Variants in PCDHGA7 observed in about 807,000 individuals in gnomAD.
PCDHGA7 encodes the protein protocadherin gamma subfamily A, 7.
PCDHGA7 carries 44 observed loss-of-function variants against 58.3 expected under a neutral mutation model. That is an observed-to-expected ratio of 0.75 (90% CI 0.59 to 0.97). The LOEUF (loss-of-function observed/expected upper bound fraction) is 0.97. Among genes scored for constraint, PCDHGA7 ranks in the 50% least tolerant of loss-of-function variants. The pLI is 0.00. For synonymous variants in PCDHGA7, 516 were observed against 504.2 expected (o/e 1.02, Z -0.31); for missense variants, 1,266 against 1,188.7 (o/e 1.06, Z -0.96).
intron 1 of PCDHGA7, chr5:141,399,601 C>T: frequency 6.2e-7 from 1 of 1,613,986 alleles, no homozygotes; most frequent in South Asian, 1.1e-5. Context: ...GGCCAGCGAC[C>T]TAGAGCCTCT....
rs3763123 is a variant in PCDHGA7 at position 141,385,542 on chromosome 5, A to C, written c.2424+219A>C. On this transcript the variant is annotated intron_variant, in intron 1 of 3. Coordinates refer to ENST00000518325, the MANE Select transcript of PCDHGA7 (RefSeq NM_018920.4). Reference sequence around the variant, plus strand: ...TATGGACAAGATTATGAATATGTGGACTATCACATTTTATAATTTCCACCT... The same window carrying C: ...TATGGACAAGATTATGAATATGTGGCCTATCACATTTTATAATTTCCACCT... 2.0e-3 allele frequency: 2,591 copies of C among 1,327,546 alleles called. 44 individuals carry two copies. The African/African-American group carries it at 0.033, about 17-fold the overall frequency. The allele number at this position is 1,327,546 out of a possible 1,614,324, so 82.2% of individuals were successfully genotyped here. A position where few individuals can be genotyped will look rare whatever the true frequency, so the allele number is the denominator to read the frequency against.
chr5:141,383,286 C>T lies in PCDHGA7; in HGVS notation c.387C>T (p.Asn129=), dbSNP rs373163257. ...IDVEIIDIND[N]VPRFLTEEIN... The stretch of plus-strand genomic sequence containing the variant: ...TGGAAATAATAGATATTAATGACAA[C>T]GTTCCAAGATTCTTGACGGAAGAAA... Residue 129 remains asparagine, a synonymous_variant, in exon 1 of 4, where the codon AAC becomes AAT. Coordinates refer to ENST00000518325, the MANE Select transcript of PCDHGA7 (RefSeq NM_018920.4). 7 of 1,613,770 alleles carry T rather than the reference C, an allele frequency of 4.3e-6. No homozygotes were observed. The highest frequency in any genetic ancestry group is 1.3e-5 in the African/African-American group (1 of 74,930).
Position 141,384,012 on chromosome 5 carries a change from A to C in PCDHGA7, c.1113A>C (p.Leu371=). 1 of 1,613,830 alleles carries C rather than the reference A, an allele frequency of 6.2e-7. No individual in the cohort carries two copies. ...PLGTVIALFY[L]QDRDSGKNGE... is the part of the protein sequence containing the mutation. The stretch of plus-strand genomic sequence containing the variant: ...GGACAGTCATTGCTCTTTTCTACCT[A>C]CAAGACAGAGATTCTGGAAAGAATG... The change falls in exon 1 of 4, where the codon CTA becomes CTC. Residue 371 remains leucine, a synonymous_variant. Coordinates refer to ENST00000518325, the MANE Select transcript of PCDHGA7 (RefSeq NM_018920.4).
At chr5:141,437,188 G>T (rs1303844523) in intron 1 of PCDHGA7, among the ~76,000 whole-genome samples, 1 of 152,146 alleles carries the variant, frequency 6.6e-6, no homozygotes, top group Non-Finnish European at 1.5e-5. Context: ...CTGGGCAATG[G>T]GTTTGGATGT....
intron 1 of PCDHGA7, chr5:141,422,014 C>A: frequency 6.2e-7 from 1 of 1,610,158 alleles, no homozygotes; most frequent in Non-Finnish European, 8.5e-7. Flanking sequence ...AACTCGGGTG[C>A]TGATGGTTAA....
intron 1 of PCDHGA7, chr5:141,394,928 C>T (rs2093129787): frequency 7.4e-6 from 12 of 1,613,838 alleles, no homozygotes; most frequent in Non-Finnish European, 1.0e-5. Context: ...GTGTCTTCCT[C>T]GCCTTTGTCG....
rs764586891 is a variant in PCDHGA7, at chr5:141,477,616, A to G, written c.2425-17191A>G. On this transcript the variant is annotated intron_variant, in intron 1 of 3. Coordinates refer to ENST00000518325, the MANE Select transcript of PCDHGA7 (RefSeq NM_018920.4). This position sits in a 1 kb window ranked among gnomAD's most constrained non-coding sequence, Gnocchi z 4.9. ...TTTCTTTCTTTCTCTTGGAGCAAGGAGCTGAAACCGGGCTAGTGGGTCGCT... is the reference window on the plus strand; with the variant it reads ...TTTCTTTCTTTCTCTTGGAGCAAGGGGCTGAAACCGGGCTAGTGGGTCGCT... The G allele has an allele frequency of 1.2e-6, 2 of 1,614,068 alleles. No individual in the cohort carries two copies. Among genetic ancestry groups the G allele is most frequent in the African/African-American group, 2.7e-5 (2 of 74,924 alleles).
intron 2 of PCDHGA7, among the ~76,000 whole-genome samples, chr5:141,502,894 G>C (rs1342496006): frequency 6.8e-6 from 1 of 147,968 alleles, no homozygotes; most frequent in Non-Finnish European, 1.5e-5. Context: ...AGGGAGTCTA[G>C]CTCTGTTGCC....
chr5:141,480,429 T>C (rs72790066), intron 1 of PCDHGA7, among the ~76,000 whole-genome samples: 4 of 151,864 alleles, frequency 2.6e-5, no homozygotes, highest in African/African-American at 9.7e-5. Flanking sequence ...AAAAAAATTA[T>C]CAGCTATTAC....
intron 1 of PCDHGA7, chr5:141,393,601 C>T (rs1392489335): frequency 8.1e-6 from 13 of 1,613,812 alleles, no homozygotes; most frequent in Non-Finnish European, 1.1e-5. Flanking sequence ...CGGCTGCTTA[C>T]TGTAACAGCC....
intron 2 of PCDHGA7, among the ~76,000 whole-genome samples, chr5:141,496,775 GCAGGGCC>G (rs1025427712): frequency 6.6e-6 from 1 of 152,038 alleles, no homozygotes; most frequent in Non-Finnish European, 1.5e-5. Flanking sequence ...TCTACTATGA[GCAGGGCC>G]CTGTGCTAAA....
At chr5:141,438,538 A>G (rs950527053) in intron 1 of PCDHGA7, among the ~76,000 whole-genome samples, 2 of 145,166 alleles carry the variant, frequency 1.4e-5, no homozygotes, top group African/African-American at 2.6e-5. Context: ...CTTTTCCTCT[A>G]TATCTAAGCC....
chr5:141,452,364 A>G (rs1330623001), intron 1 of PCDHGA7, among the ~76,000 whole-genome samples: 1 of 152,188 alleles, frequency 6.6e-6, no homozygotes, highest in African/African-American at 2.4e-5. Flanking sequence ...GCCTTGCTTC[A>G]TTTTAGTAGG....
chr5:141,436,817 TA>T (rs1431750380), intron 1 of PCDHGA7, among the ~76,000 whole-genome samples: 1 of 152,244 alleles, frequency 6.6e-6, no homozygotes, highest in Non-Finnish European at 1.5e-5. Context: ...ACAGCTGGTT[TA>T]AAAATCTTAA....
Position 141,408,922 on chromosome 5 carries a change from G to A in PCDHGA7, c.2424+23599G>A, listed in dbSNP as rs762449366. ...TCAAGGATACCAATGATAACCCCCC[G>A]GTTTTCAGCAGAGACGAATATAGAA... On this transcript the variant is annotated intron_variant, in intron 1 of 3. Coordinates refer to ENST00000518325, the MANE Select transcript of PCDHGA7 (RefSeq NM_018920.4). 3.7e-6 allele frequency: 6 copies of A among 1,613,104 alleles called. No homozygotes were observed. In the Admixed American group the frequency reaches 8.3e-5, roughly 22 times the overall value.
Position 141,477,256 on chromosome 5 carries a change from T to G in PCDHGA7, c.2425-17551T>G. 2 of 1,614,210 alleles carry G rather than the reference T, an allele frequency of 1.2e-6. No homozygotes were observed. The highest frequency in any genetic ancestry group is 1.7e-6 in the Non-Finnish European group (2 of 1,180,038). On this transcript the variant is annotated intron_variant, in intron 1 of 3. Coordinates refer to ENST00000518325, the MANE Select transcript of PCDHGA7 (RefSeq NM_018920.4). This position sits in a 1 kb window ranked among gnomAD's most constrained non-coding sequence, Gnocchi z 4.9. Reference sequence around the variant, plus strand: ...CTTTGCTCAGTGTGACTGACCTGGATGCTGGCGAGAACGGGCTGGTGACCT... The same window carrying G: ...CTTTGCTCAGTGTGACTGACCTGGAGGCTGGCGAGAACGGGCTGGTGACCT...
chr5:141,388,662 A>T, intron 1 of PCDHGA7: 1 of 1,613,954 alleles, frequency 6.2e-7, no homozygotes, highest in Non-Finnish European at 8.5e-7. Flanking sequence ...CCCGGGGACC[A>T]CGGTGCTACA....
intron 2 of PCDHGA7, among the ~76,000 whole-genome samples, chr5:141,502,408 G>A (rs1197275813): frequency 6.6e-6 from 1 of 151,782 alleles, no homozygotes; most frequent in Non-Finnish European, 1.5e-5. Context: ...CCCGAACCTG[G>A]ATTTGCTGGC....
intron 1 of PCDHGA7, chr5:141,413,140 A>G: frequency 1.3e-6 from 2 of 1,563,150 alleles, no homozygotes; most frequent in Non-Finnish European, 1.7e-6. Context: ...CAACGTGTCC[A>G]GTGAGGACTT....
Sources: allele counts gnomAD v4.1 joint callset (sites outside exome capture counted in the v4.1 genomes callset), GRCh38; gene constraint gnomAD v4.1.1; non-coding constraint Gnocchi (gnomAD v3.1); transcripts MANE v1.5; gene names NCBI Gene and HGNC (gene_info 2026-07-23, HGNC 2026-07-21).